Variants in SPESP1 observed in about 807,000 individuals in gnomAD.
The protein encoded by SPESP1 is sperm equatorial segment protein 1.
A neutral mutation model predicts 3.1 loss-of-function variants in SPESP1; 1 was observed. The observed-to-expected ratio is 0.33, with a 90% CI of 0.12 to 1.54. The LOEUF (loss-of-function observed/expected upper bound fraction) is 1.54. Among genes scored for constraint, SPESP1 ranks in the 40% most tolerant of loss-of-function variants. The probability of loss-of-function intolerance (pLI) is 0.38; values close to 1 mark genes in which losing one functional copy is unlikely to be tolerated. For synonymous variants in SPESP1, 138 were observed against 150.7 expected (o/e 0.92, Z 0.62); for missense variants, 398 against 410.1 (o/e 0.97, Z 0.26).
In SPESP1 at chr15:68,941,738, CT is replaced by C. The variant is rs1245991538; in HGVS notation, c.65-3858del. Among the ~76,000 whole-genome samples the C allele has an allele frequency of 1.1e-4, 16 of 152,276 alleles. No homozygotes were observed. The East Asian group carries it at 2.7e-3, about 26-fold the overall frequency. Reference sequence around the variant, plus strand: ...TTTAACCACATCTGCAAAGACACTTCTTTCTTAAGGTAATATTTACAGGTTC... The same window carrying C: ...TTTAACCACATCTGCAAAGACACTTCTTCTTAAGGTAATATTTACAGGTTC... On this transcript the variant is annotated intron_variant, in intron 1 of 1. Transcript: ENST00000310673.
chr15:68,932,707 T>C (rs2140416867), intron 1 of SPESP1, among the ~76,000 whole-genome samples: 1 of 152,306 alleles, frequency 6.6e-6, no homozygotes, highest in East Asian at 1.9e-4. Context: ...GTTGTCTTTC[T>C]TAGCACCCTA....
intron 1 of SPESP1, among the ~76,000 whole-genome samples, chr15:68,934,034 T>C (rs552936150): frequency 2.4e-4 from 37 of 152,142 alleles, no homozygotes; most frequent in Non-Finnish European, 3.4e-4. Flanking sequence ...AATATTAATT[T>C]AATATTAATA....
Position 68,944,688 on chromosome 15 carries a change from T to G in SPESP1, c.65-911T>G, listed in dbSNP as rs532901806. 3.3e-5 allele frequency among the ~76,000 whole-genome samples: 5 copies of G among 152,288 alleles called. No homozygotes were observed. The South Asian group carries it at 1.0e-3, about 32-fold the overall frequency. ...AGTATTTTCAGCTTTGCAGGCCATG[T>G]GGTCTCTTACAATTACTCTAGTGTT... On this transcript the variant is annotated intron_variant, in intron 1 of 1. Coordinates refer to ENST00000310673, the MANE Select transcript of SPESP1 (RefSeq NM_145658.4).
At chr15:68,939,380 T>C (rs1365313278) in intron 1 of SPESP1, among the ~76,000 whole-genome samples, 1 of 152,244 alleles carries the variant, frequency 6.6e-6, no homozygotes, top group East Asian at 1.9e-4. Context: ...AGAATTTGAA[T>C]TTTGTTCAGC....
In SPESP1 at chr15:68,945,605, C is replaced by T; in HGVS notation, c.71C>T (p.Thr24Ile). 6.4e-7 allele frequency: 1 copy of T among 1,563,278 alleles called. No homozygotes were observed. Among genetic ancestry groups the T allele is most frequent in the Non-Finnish European group, 8.6e-7 (1 of 1,161,800 alleles). Residue 24 changes from threonine to isoleucine, a missense_variant, in exon 2 of 2, where the codon ACT (threonine) becomes ATT (isoleucine). Transcript: ENST00000310673. ...PSSVPAYPSI[T>I]VTPDEEQNLN... The stretch of plus-strand genomic sequence containing the variant: ...TTTGATTTTTTCCCTGAAGGCATAA[C>T]TGTGACACCTGATGAAGAGCAAAAC...
At chr15:68,938,161 A>T (rs181252304) in intron 1 of SPESP1, among the ~76,000 whole-genome samples, 11 of 152,194 alleles carry the variant, frequency 7.2e-5, no homozygotes, top group Non-Finnish European at 1.3e-4. Context: ...TTGTATTTTT[A>T]GTAGAGATGA....
rs1895980701 is a variant in SPESP1 at position 68,946,741 on chromosome 15, A to C, written c.*154A>C. On this transcript the variant is annotated 3_prime_UTR_variant, in exon 2 of 2. Coordinates refer to ENST00000310673, the MANE Select transcript of SPESP1 (RefSeq NM_145658.4). ...GTAGTTCAAATGTGCCAACATCTTT[A>C]TGTGTCATGTGTTATGAACAATTTT... is the stretch of plus-strand genomic sequence containing the variant. The C allele has an allele frequency of 3.1e-6, 3 of 976,836 alleles. No homozygotes were observed. The highest frequency in any genetic ancestry group is 3.6e-4 in the Middle Eastern group (1 of 2,750). 60.5% of individuals were successfully genotyped at this position (976,836 alleles called of 1,614,324 possible). A position where few individuals can be genotyped will look rare whatever the true frequency, so the allele number is the denominator to read the frequency against.
intron 1 of SPESP1, among the ~76,000 whole-genome samples, chr15:68,937,767 A>G (rs1156372642): frequency 6.6e-6 from 1 of 152,184 alleles, no homozygotes; most frequent in African/African-American, 2.4e-5. Flanking sequence ...CCTAGGTTTT[A>G]TCATTTAAAA....
chr15:68,940,820 A>G (rs1895803381), intron 1 of SPESP1, among the ~76,000 whole-genome samples: 2 of 151,474 alleles, frequency 1.3e-5, no homozygotes, highest in Admixed American at 6.6e-5. Context: ...CAAGAAATAC[A>G]TAACGTCGGA....
chr15:68,935,724 C>T (rs891572821), intron 1 of SPESP1, among the ~76,000 whole-genome samples: 1 of 152,160 alleles, frequency 6.6e-6, no homozygotes, highest in African/African-American at 2.4e-5. Flanking sequence ...AACATAATTA[C>T]TTGTTTATTT....
Position 68,945,949 on chromosome 15 carries a change from T to C in SPESP1, c.415T>C (p.Tyr139His). ...CATTGTTTTGCATGCAGAGGAACCT[T>C]ATATTGAAAATGAAGAGCCAGAGCC... ...VSIVLHAEEP[Y>H]IENEEPEPEP... The change falls in exon 2 of 2, where the codon TAT becomes CAT. Residue 139 changes from tyrosine to histidine, a missense_variant. By Grantham distance (83) the Tyr-to-His change is moderately conservative (BLOSUM62 2). Transcript: ENST00000310673. 6.2e-7 allele frequency: 1 copy of C among 1,614,086 alleles called. No individual in the cohort carries two copies. The highest frequency in any genetic ancestry group is 8.5e-7 in the Non-Finnish European group (1 of 1,180,010).
Position 68,930,565 on chromosome 15 carries a change from G to C in SPESP1, c.-89G>C. ...AGGGCCTGAGGCAGGACGGTACTCC[G>C]CTGACACCTTCCCTTTCGGCCTTGA... On this transcript the variant is annotated 5_prime_UTR_variant, in exon 1 of 2. Transcript: ENST00000310673. 1.9e-6 allele frequency: 3 copies of C among 1,554,586 alleles called. No homozygotes were observed. The highest frequency in any genetic ancestry group is 2.2e-5 in the South Asian group (2 of 89,162).
rs1168594263 is a variant in SPESP1 at position 68,930,558 on chromosome 15, G to C, written c.-96G>C. Reference sequence around the variant, plus strand: ...GTGTCCCAGGGCCTGAGGCAGGACGGTACTCCGCTGACACCTTCCCTTTCG... The same window carrying C: ...GTGTCCCAGGGCCTGAGGCAGGACGCTACTCCGCTGACACCTTCCCTTTCG... On this transcript the variant is annotated 5_prime_UTR_variant, in exon 1 of 2. Transcript: ENST00000310673. The C allele has an allele frequency of 6.5e-7, 1 of 1,537,028 alleles. No homozygotes were observed. The highest frequency in any genetic ancestry group is 9.0e-7 in the Non-Finnish European group (1 of 1,116,566).
chr15:68,944,938 T>TA (rs1895921859), intron 1 of SPESP1, among the ~76,000 whole-genome samples: 6 of 152,172 alleles, frequency 3.9e-5, no homozygotes, highest in Admixed American at 3.9e-4. Flanking sequence ...ATGGCGTAGA[T>TA]ACTCCAACCA....
chr15:68,932,702 C>T (rs1393816088), intron 1 of SPESP1, among the ~76,000 whole-genome samples: 1 of 152,054 alleles, frequency 6.6e-6, no homozygotes, highest in African/African-American at 2.4e-5. Context: ...AGCCTGTTGT[C>T]TTTCTTAGCA....
chr15:68,930,670 T>C lies in SPESP1; in HGVS notation c.17T>C (p.Leu6Pro). The stretch of plus-strand genomic sequence containing the variant: ...ACGACGCCTATGAAGCCCTTAGTCC[T>C]TCTAGTTGCGCTTTTGCTATGGCCT... MKPLV[L>P]LVALLLWPSS... The change falls in exon 1 of 2, where the codon CTT (leucine) becomes CCT (proline). Residue 6 changes from leucine (L) to proline (P), a missense_variant. Physicochemically the swap from Leu to Pro is moderately conservative, Grantham distance 98 (BLOSUM62 -3). Coordinates refer to ENST00000310673, the MANE Select transcript of SPESP1 (RefSeq NM_145658.4). The C allele has an allele frequency of 6.2e-7, 1 of 1,613,952 alleles. No homozygotes were observed. The highest frequency in any genetic ancestry group is 1.1e-5 in the South Asian group (1 of 91,088).
chr15:68,935,686 T>C (rs1895664787), intron 1 of SPESP1, among the ~76,000 whole-genome samples: 1 of 152,232 alleles, frequency 6.6e-6, no homozygotes, highest in Non-Finnish European at 1.5e-5. Context: ...AAGTTACATT[T>C]CTTTAACTGG....
At chr15:68,931,673 T>C (rs1434736344) in intron 1 of SPESP1, among the ~76,000 whole-genome samples, 1 of 152,148 alleles carries the variant, frequency 6.6e-6, no homozygotes, top group African/African-American at 2.4e-5. Context: ...GCAATTTTTG[T>C]CCCTCCCCGA....
intron 1 of SPESP1, among the ~76,000 whole-genome samples, chr15:68,934,454 C>T (rs1026019285): frequency 5.3e-5 from 8 of 152,206 alleles, no homozygotes; most frequent in African/African-American, 1.7e-4. Flanking sequence ...CCCAAGGCTA[C>T]AGCATTTAAA....
Sources: gnomAD v4.1 joint callset for allele counts (sites outside exome capture counted in the v4.1 genomes callset) on GRCh38, gnomAD v4.1.1 for gene constraint, MANE v1.5 for transcripts, NCBI Gene and HGNC (gene_info 2026-07-23, HGNC 2026-07-21) for gene names.